Variants in CELA2A observed in about 807,000 individuals in gnomAD.
CELA2A encodes chymotrypsin like elastase 2A, also known as chymotrypsin-like elastase family member 2A.
A neutral mutation model predicts 35.3 loss-of-function variants in CELA2A; 31 were observed. That is an observed-to-expected ratio of 0.88 (90% confidence interval 0.66 to 1.19). The LOEUF is 1.19. Among genes scored for constraint, CELA2A ranks in the 50% most tolerant of loss-of-function variants. CELA2A has a pLI of 0.00. For synonymous variants in CELA2A, 150 were observed against 149.8 expected (o/e 1.00, Z -0.01); for missense variants, 330 against 352.9 (o/e 0.94, Z 0.52).
At chr1:15,465,798 G>A in intron 5 of CELA2A, 1 of 613,668 alleles carries the variant, frequency 1.6e-6, no homozygotes, top group Non-Finnish European at 2.9e-6. Flanking sequence ...GAATCCCAGG[G>A]GAGGGAGCTC....
intron 6 of CELA2A, among the ~76,000 whole-genome samples, chr1:15,467,110 C>T (rs1708527955): frequency 1.3e-5 from 2 of 152,212 alleles, no homozygotes; most frequent in Admixed American, 6.5e-5. Context: ...TTCTCCTCTT[C>T]CGTGGCCTGG....
At chr1:15,460,211 A>G (rs1708415115) in intron 2 of CELA2A, among the ~76,000 whole-genome samples, 1 of 152,164 alleles carries the variant, frequency 6.6e-6, no homozygotes, top group Non-Finnish European at 1.5e-5. Flanking sequence ...AATCTGGTTC[A>G]GTGCTACCTC....
intron 3 of CELA2A, 165 bp downstream of exon 3, chr1:15,461,823 C>T (rs1321506235): frequency 1.2e-6 from 1 of 817,168 alleles, no homozygotes; most frequent in East Asian, 2.7e-5. Flanking sequence ...TGTGTTGGCC[C>T]ATCAATGTCA....
chr1:15,460,172 G>A (rs1224666844), intron 2 of CELA2A, among the ~76,000 whole-genome samples: 1 of 152,052 alleles, frequency 6.6e-6, no homozygotes, highest in Non-Finnish European at 1.5e-5. Context: ...AAAGGCACTG[G>A]GTTAGCCCGG....
chr1:15,464,934 C>T (rs1557517981), intron 5 of CELA2A, among the ~76,000 whole-genome samples: 2 of 149,788 alleles, frequency 1.3e-5, no homozygotes, highest in African/African-American at 4.9e-5. Context: ...ATGCATCATA[C>T]ATTGCAAAAT....
chr1:15,461,910 G>A, intron 3 of CELA2A: 2 of 663,402 alleles, frequency 3.0e-6, no homozygotes, highest in Non-Finnish European at 2.8e-6. Context: ...CCCAATCTCT[G>A]CCCTCTTGGG....
At chr1:15,458,853 C>T (rs1201868789) in intron 2 of CELA2A, among the ~76,000 whole-genome samples, 4 of 134,848 alleles carry the variant, frequency 3.0e-5, no homozygotes, top group Admixed American at 8.0e-5. Flanking sequence ...GCGCAGGTTG[C>T]GGTGAGCCAA....
At chr1:15,461,210 A>AGAT (rs1432386221) in intron 2 of CELA2A, among the ~76,000 whole-genome samples, 2 of 152,106 alleles carry the variant, frequency 1.3e-5, no homozygotes, top group African/African-American at 4.8e-5. Flanking sequence ...CTATAATTCA[A>AGAT]GATGAGATTT....
chr1:15,458,226 G>A (rs1013674496), intron 2 of CELA2A, among the ~76,000 whole-genome samples: 21 of 152,004 alleles, frequency 1.4e-4, no homozygotes, highest in African/African-American at 4.8e-4. Flanking sequence ...TTTCTTTAAA[G>A]CAGAGCAGTA....
At chr1:15,462,077 G>T (rs915634144) in intron 3 of CELA2A, 3 of 477,656 alleles carry the variant, frequency 6.3e-6, no homozygotes, top group Non-Finnish European at 1.3e-5. Context: ...CACTTAGTAA[G>T]TGCTCAGTGA....
At chr1:15,460,938 G>A (rs1465471427) in intron 2 of CELA2A, among the ~76,000 whole-genome samples, 25 of 152,162 alleles carry the variant, frequency 1.6e-4, no homozygotes, top group Non-Finnish European at 2.9e-5. Context: ...AAAGGAAAGA[G>A]GTTTAACTGA....
intron 5 of CELA2A, 24 bp downstream of exon 5, chr1:15,463,546 A>G (rs1347482493): frequency 6.2e-7 from 1 of 1,612,708 alleles, no homozygotes; most frequent in South Asian, 1.1e-5. Flanking sequence ...AGGAGCCCCC[A>G]GGCCTGGGAG....
intron 6 of CELA2A, among the ~76,000 whole-genome samples, chr1:15,466,836 C>A (rs184396386): frequency 1.6e-4 from 25 of 152,278 alleles, no homozygotes; most frequent in Admixed American, 5.2e-4. Context: ...GTAGCTGCCA[C>A]GGAAACCTTC....
At chr1:15,465,114 C>T (rs1197113715) in intron 5 of CELA2A, among the ~76,000 whole-genome samples, 2 of 146,858 alleles carry the variant, frequency 1.4e-5, no homozygotes, top group Admixed American at 7.0e-5. Flanking sequence ...CGAGCTCAAG[C>T]GATTCTCCTG....
At position 15,462,783 on chromosome 1, in the gene CELA2A, C is replaced by T. The variant is rs1029321283; in HGVS notation, c.278C>T (p.Ala93Val). 3.3e-5 allele frequency: 53 copies of T among 1,613,950 alleles called. No homozygotes were observed. The highest frequency in any genetic ancestry group is 1.1e-4 in the East Asian group (5 of 44,882). ...CTGGGCCGGCACAACCTCTACGTTG[C>T]GGAGTCCGGCTCGCTGGCAGTCAGT... ...VGLGRHNLYV[A>V]ESGSLAVSVS... The change falls in exon 4 of 8, where the codon GCG (alanine) becomes GTG (valine). Residue 93 changes from alanine (A) to valine (V), a missense_variant. Physicochemically the swap from Ala to Val is moderately conservative, Grantham distance 64. Coordinates refer to ENST00000359621, the MANE Select transcript of CELA2A (RefSeq NM_033440.3).
chr1:15,461,352 A>G (rs1199360848), intron 2 of CELA2A, among the ~76,000 whole-genome samples: 5 of 152,164 alleles, frequency 3.3e-5, no homozygotes, highest in Non-Finnish European at 7.3e-5. Context: ...ATGAGCCACC[A>G]TGCCTGGCCT....
Position 15,461,804 on chromosome 1 carries a change from A to G in CELA2A, c.227+146A>G, listed in dbSNP as rs756956727. The G allele has an allele frequency of 1.1e-5, 10 of 922,558 alleles. 1 individual carries two copies. In the South Asian group the frequency reaches 1.1e-4, roughly 10 times the overall value. 57.1% of individuals were successfully genotyped at this position (922,558 alleles called of 1,614,324 possible). A position where few individuals can be genotyped will look rare whatever the true frequency, so the allele number is the denominator to read the frequency against. ...CTGAGACACAAGCTGTAGTCAATCA[A>G]TGGTTCAGTGTGTTGGCCCATCAAT... is the stretch of plus-strand genomic sequence containing the variant. On this transcript the variant is annotated intron_variant, in intron 3 of 7. Coordinates refer to ENST00000359621, the MANE Select transcript of CELA2A (RefSeq NM_033440.3).
chr1:15,467,068 T>C (rs1486374014), intron 6 of CELA2A, among the ~76,000 whole-genome samples: 4 of 152,186 alleles, frequency 2.6e-5, no homozygotes, highest in Admixed American at 1.3e-4. Flanking sequence ...CTGTGCAACC[T>C]TGGGCAAGTC....
At chr1:15,463,598 T>TCTCAC (rs1163735741) in intron 5 of CELA2A, 76 bp downstream of exon 5, 4 of 1,598,854 alleles carry the variant, frequency 2.5e-6, no homozygotes, top group Admixed American at 1.7e-5. Flanking sequence ...GGCCGGGGCC[T>TCTCAC]CTCACCTGTC....
Sources: gnomAD v4.1 joint callset for allele counts (sites outside exome capture counted in the v4.1 genomes callset) on GRCh38, gnomAD v4.1.1 for gene constraint, MANE v1.5 for transcripts, NCBI Gene and HGNC (gene_info 2026-07-23, HGNC 2026-07-21) for gene names.